Variants in SRGAP1 observed in about 807,000 individuals in gnomAD.
SRGAP1 encodes SLIT-ROBO Rho GTPase-activating protein 1.
Under a neutral mutation model 121.9 loss-of-function variants are expected in SRGAP1, and 43 were observed. That is an observed-to-expected ratio of 0.35 (90% CI 0.28 to 0.46). The LOEUF (loss-of-function observed/expected upper bound fraction) is 0.46, where lower values mean the gene tolerates loss of function less well. Ranked by LOEUF, SRGAP1 falls within the 20% of genes least tolerant of loss-of-function variation. SRGAP1 has a pLI of 1.00. For synonymous variants in SRGAP1, 447 were observed against 485.4 expected (o/e 0.92, Z 1.04); for missense variants, 1,102 against 1,350.9 (o/e 0.82, Z 2.89).
rs371520627 is a variant in SRGAP1 at position 64,062,899 on chromosome 12, G to A, written c.802-18G>A. On this transcript the variant is annotated intron_variant, in intron 6 of 21. Coordinates refer to ENST00000355086, the MANE Select transcript of SRGAP1 (RefSeq NM_020762.4). ...TTTTGCATTCATTTTTGTATGTGGT[G>A]TTCTTTTACTTTTTAAGTGCTGTGA... 1.0e-4 allele frequency: 161 copies of A among 1,592,398 alleles called. No individual in the cohort carries two copies. Among genetic ancestry groups the A allele is most frequent in the Non-Finnish European group, 1.4e-4 (158 of 1,164,982 alleles).
chr12:64,057,457 T>A (rs1259597972), intron 6 of SRGAP1, among the ~76,000 whole-genome samples: 2 of 152,160 alleles, frequency 1.3e-5, no homozygotes, highest in Admixed American at 6.6e-5. Context: ...TCTGTATAGT[T>A]AGGAAAATAG....
rs2037179755 is a variant in SRGAP1 at position 64,158,179 on chromosome 12, G to GCA, written c.*15508_*15509dup. On this transcript the variant is annotated 3_prime_UTR_variant, in exon 22 of 22. Coordinates refer to ENST00000355086, the MANE Select transcript of SRGAP1 (RefSeq NM_020762.4). ...CCAGAGCAATTAAACACTGCCTGGT[G>GCA]CATAGTTAGTGCTCAAGAATTGTGC... 6.6e-6 allele frequency: 1 copy of GCA among 152,220 alleles called. No homozygotes were observed. Among genetic ancestry groups the GCA allele is most frequent in the South Asian group, 2.1e-4 (1 of 4,834 alleles). 9.4% of individuals were successfully genotyped at this position (152,220 alleles called of 1,614,324 possible). A position where few individuals can be genotyped will look rare whatever the true frequency, so the allele number is the denominator to read the frequency against.
At chr12:63,917,502 C>T (rs1185224948) in intron 1 of SRGAP1, among the ~76,000 whole-genome samples, 1 of 152,050 alleles carries the variant, frequency 6.6e-6, no homozygotes, top group African/African-American at 2.4e-5. Context: ...TGCGCAGTTG[C>T]TCCTTTTGAA....
intron 2 of SRGAP1, among the ~76,000 whole-genome samples, chr12:63,989,124 A>G (rs1030548622): frequency 1.3e-5 from 2 of 152,168 alleles, no homozygotes; most frequent in African/African-American, 4.8e-5. Flanking sequence ...AAATTTTTTA[A>G]AAAGTAATTT....
chr12:63,963,749 C>A (rs1055145983), intron 1 of SRGAP1, among the ~76,000 whole-genome samples: 4 of 151,590 alleles, frequency 2.6e-5, no homozygotes, highest in African/African-American at 9.7e-5. Context: ...TCTGGGAGAG[C>A]AACTTTTTAA....
At chr12:64,047,077 T>C (rs1264391062) in intron 6 of SRGAP1, among the ~76,000 whole-genome samples, 6 of 152,218 alleles carry the variant, frequency 3.9e-5, no homozygotes, top group African/African-American at 1.4e-4. Flanking sequence ...CAAGTGATTT[T>C]CCATTTTTAA....
At chr12:63,878,334 T>C (rs1052157649) in intron 1 of SRGAP1, among the ~76,000 whole-genome samples, 4 of 152,222 alleles carry the variant, frequency 2.6e-5, no homozygotes, top group Non-Finnish European at 5.9e-5. Flanking sequence ...GTAGACAATA[T>C]GGAAATGAAT....
intron 3 of SRGAP1, among the ~76,000 whole-genome samples, chr12:64,001,532 A>G (rs547278142): frequency 1.3e-5 from 2 of 152,208 alleles, no homozygotes; most frequent in Non-Finnish European, 2.9e-5. Context: ...ACATGTAACA[A>G]GTTATCAAGT....
chr12:63,851,147 C>G (rs1899061151), intron 1 of SRGAP1, among the ~76,000 whole-genome samples: 1 of 152,176 alleles, frequency 6.6e-6, no homozygotes, highest in African/African-American at 2.4e-5. Flanking sequence ...CAGAGCGAGA[C>G]TCCATCTCAG....
chr12:64,138,287 C>T (rs536474109), intron 21 of SRGAP1, among the ~76,000 whole-genome samples: 4 of 152,052 alleles, frequency 2.6e-5, no homozygotes, highest in East Asian at 1.9e-4. Context: ...CTGTAGCATG[C>T]GGTAGGACTT....
Position 64,160,025 on chromosome 12 carries a change from T to C in SRGAP1, c.*17353T>C, listed in dbSNP as rs1446662730. ...TACATAAATAGGTAAAAATTCCTTC[T>C]CAAAAATCTTTTACAGAAGTGTTCT... On this transcript the variant is annotated 3_prime_UTR_variant, in exon 22 of 22. Transcript: ENST00000355086. 6.6e-6 allele frequency: 1 copy of C among 152,214 alleles called. No individual in the cohort carries two copies. The highest frequency in any genetic ancestry group is 1.5e-5 in the Non-Finnish European group (1 of 68,044). The allele number at this position is 152,214 out of a possible 1,614,324, so 9.4% of individuals were successfully genotyped here.
intron 1 of SRGAP1, among the ~76,000 whole-genome samples, chr12:63,966,035 G>A (rs2032780899): frequency 1.3e-5 from 2 of 152,180 alleles, no homozygotes; most frequent in African/African-American, 4.8e-5. Context: ...AGCCAGGCTG[G>A]TCTTGAACTC....
intron 21 of SRGAP1, among the ~76,000 whole-genome samples, chr12:64,133,074 T>C (rs2036809916): frequency 6.6e-6 from 1 of 152,244 alleles, no homozygotes. Flanking sequence ...TTCTCCAGAA[T>C]CCATCTGTCT....
rs559937309 is a variant in SRGAP1 at position 63,977,358 on chromosome 12, A to G, written c.68-6589A>G. ...AATTCTGACCAAATGAGAATGTGAA[A>G]TAACAGAGATGATTTGTGATACTTT... On this transcript the variant is annotated intron_variant, in intron 1 of 21. Transcript: ENST00000355086. Among the ~76,000 whole-genome samples the G allele has an allele frequency of 2.0e-4, 30 of 152,356 alleles. No individual in the cohort carries two copies. The South Asian group carries it at 6.0e-3, about 31-fold the overall frequency.
At chr12:63,991,993 C>G (rs1294928431) in intron 3 of SRGAP1, among the ~76,000 whole-genome samples, 1 of 152,096 alleles carries the variant, frequency 6.6e-6, no homozygotes, top group Non-Finnish European at 1.5e-5. Flanking sequence ...GGAAATTGTT[C>G]TCAGAAAGGG....
chr12:63,909,429 A>T (rs1449636966), intron 1 of SRGAP1, among the ~76,000 whole-genome samples: 1 of 152,154 alleles, frequency 6.6e-6, no homozygotes, highest in Non-Finnish European at 1.5e-5. Context: ...TTTGTGCTTC[A>T]ACAGATATAC....
At chr12:64,000,239 G>GGTGTGTGTGTGTGTGTGT (rs58289093) in intron 3 of SRGAP1, among the ~76,000 whole-genome samples, 12 of 131,550 alleles carry the variant, frequency 9.1e-5, no homozygotes, top group East Asian at 2.2e-4. Context: ...GAAAGGTAGG[G>GGTGTGTGTGTGTGTGTGT]GTGTGTGTGT....
chr12:63,977,627 A>G (rs1364432836), intron 1 of SRGAP1, among the ~76,000 whole-genome samples: 1 of 114,610 alleles, frequency 8.7e-6, no homozygotes, highest in East Asian at 2.5e-4. Context: ...ATTCCATTTT[A>G]TTTGGCAAGT....
intron 3 of SRGAP1, among the ~76,000 whole-genome samples, chr12:64,011,244 T>C (rs953864135): frequency 1.3e-5 from 2 of 151,988 alleles, no homozygotes; most frequent in Non-Finnish European, 2.9e-5. Context: ...TCAACAATTT[T>C]AATCAGAGGA....
Sources: gnomAD v4.1 joint callset for allele counts (sites outside exome capture counted in the v4.1 genomes callset) on GRCh38, gnomAD v4.1.1 for gene constraint, MANE v1.5 for transcripts, NCBI Gene and HGNC (gene_info 2026-07-23, HGNC 2026-07-21) for gene names.